SPATA31A6: variants seen among roughly 807,000 people sequenced by gnomAD.
SPATA31A6 encodes SPATA31 subfamily A member 6, also known as spermatogenesis-associated protein 31A6.
Under a neutral mutation model 11.9 loss-of-function variants are expected in SPATA31A6, and 9 were observed. That is an observed-to-expected ratio of 0.76 (90% CI 0.46 to 1.32). The LOEUF (loss-of-function observed/expected upper bound fraction) is 1.32. Among genes scored for constraint, SPATA31A6 ranks in the 40% most tolerant of loss-of-function variants. The pLI is 0.00. For missense variants in SPATA31A6, 855 were observed against 1,467.3 expected (o/e 0.58, Z 6.82); for synonymous variants, 314 against 572.1 (o/e 0.55, Z 6.44).
In SPATA31A6 at chr9:42,189,561, T is replaced by A; in HGVS notation, c.3859T>A (p.Leu1287Met). The A allele has an allele frequency of 6.5e-7, 1 of 1,549,174 alleles. No individual in the cohort carries two copies. Among genetic ancestry groups the A allele is most frequent in the Non-Finnish European group, 8.7e-7 (1 of 1,147,386 alleles). The change falls in exon 4 of 4, where the codon TTG becomes ATG. Residue 1287 changes from leucine to methionine, a missense_variant. Leu to Met is a conservative substitution (Grantham distance 15). Coordinates refer to ENST00000332857, the MANE Select transcript of SPATA31A6 (RefSeq NM_001145196.1). ...RDRQIRNQQP[L>M]KSVRCNNEQW... ...CAGGCAAATCAGAAATCAACAGCCC[T>A]TGAAAAGTGTGCGGTGCAACAATGA...
chr9:42,184,965 A>G (rs3012213), intron 1 of SPATA31A6, 104 bp from the exon 2 acceptor site: 1,253,704 of 1,351,192 alleles, frequency 0.93, 598,991 homozygotes, highest in Admixed American at 0.95. Flanking sequence ...GCTGGGCTGG[A>G]GCAGAGAGGG....
chr9:42,189,466 G>T lies in SPATA31A6; in HGVS notation c.3764G>T (p.Gly1255Val). ...NHRHLFYSEH[G>V]RILSYAASSQ... ...AGGCACCTCTTCTACTCAGAACATG[G>T]CAGAATACTGAGCTATGCAGCCAGC... Residue 1255 changes from glycine (G) to valine (V), a missense_variant, in exon 4 of 4, where the codon GGC becomes GTC. Transcript: ENST00000332857. 3 of 1,550,998 alleles carry T rather than the reference G, an allele frequency of 1.9e-6. 1 individual carries two copies. The highest frequency in any genetic ancestry group is 2.3e-5 in the South Asian group (2 of 87,956).
rs1222662952 is a variant in SPATA31A6, at chr9:42,186,120, GA to G, written c.419del (p.Glu140GlyfsTer13). 1 of 1,099,344 alleles carries G rather than the reference GA, an allele frequency of 9.1e-7. No homozygotes were observed. The highest frequency in any genetic ancestry group is 2.7e-5 in the Admixed American group (1 of 36,798). The allele number at this position is 1,099,344 out of a possible 1,614,324, so 68.1% of individuals were successfully genotyped here. A position where few individuals can be genotyped will look rare whatever the true frequency, so the allele number is the denominator to read the frequency against. On this transcript the variant is annotated frameshift_variant, in exon 4 of 4. Coordinates refer to ENST00000332857, the MANE Select transcript of SPATA31A6 (RefSeq NM_001145196.1). LOFTEE classifies it low-confidence loss of function (END_TRUNC). ...TGATGGAGCCTCCCAGTCCTCTCAT[GA>G]GCCTATGGAAGATGCTGCTCCCATT... Reference protein sequence around the residue: ...APDGASQSSHEPMEDAAPILS... With the variant: ...APDGASQSSHXPMEDAAPILS...
chr9:42,185,740 T>C lies in SPATA31A6; in HGVS notation c.293T>C (p.Leu98Pro), dbSNP rs1418743673. 1 of 1,223,554 alleles carries C rather than the reference T, an allele frequency of 8.2e-7. No individual in the cohort carries two copies. Among genetic ancestry groups the C allele is most frequent in the Non-Finnish European group, 1.1e-6 (1 of 890,328 alleles). The allele number at this position is 1,223,554 out of a possible 1,614,324, so 75.8% of individuals were successfully genotyped here. ...GGCCTGGAGGAGACTTCGGACCTTC[T>C]TTCACAACTGCAGAGGTGAGGCACT... Reference protein sequence around the residue: ...PRGLEETSDLLSQLQSLLGPH... With the variant: ...PRGLEETSDLPSQLQSLLGPH... Residue 98 changes from leucine (L) to proline (P), a missense_variant, in exon 3 of 4, where the codon CTT (leucine) becomes CCT (proline). Transcript: ENST00000332857.
At position 42,185,857 on chromosome 9, in the gene SPATA31A6, G is replaced by T. The variant is rs189637784; in HGVS notation, c.308+102G>T. 1,865 of 1,296,750 alleles carry T rather than the reference G, an allele frequency of 1.4e-3. 294 individuals carry two copies. Among genetic ancestry groups the T allele is most frequent in the Non-Finnish European group, 1.8e-3 (1,739 of 951,546 alleles). The allele number at this position is 1,296,750 out of a possible 1,614,324, so 80.3% of individuals were successfully genotyped here. Reference sequence around the variant, plus strand: ...TGACCTGGGATGGGGAGACCAGGGGGACAGAGGATGGGAGTAAAACCCTGG... The same window carrying T: ...TGACCTGGGATGGGGAGACCAGGGGTACAGAGGATGGGAGTAAAACCCTGG... On this transcript the variant is annotated intron_variant, in intron 3 of 3. Coordinates refer to ENST00000332857, the MANE Select transcript of SPATA31A6 (RefSeq NM_001145196.1).
rs2808959 is a variant in SPATA31A6 at position 42,183,747 on chromosome 9, C to T, written c.60C>T (p.Ser20=). Residue 20 remains serine, a synonymous_variant, in exon 1 of 4, where the codon AGC becomes AGT. Transcript: ENST00000332857. ...LLSASSLNAP[S]STPWVLDIFL... ...GTGCCTCATCGCTAAACGCCCCCAG[C>T]TCCACACCATGGGTGTTGGATATCT... The T allele has an allele frequency of 1.0e-3, 1,577 of 1,533,108 alleles. 285 individuals are homozygous for T. Among genetic ancestry groups the T allele is most frequent in the African/African-American group, 3.1e-3 (191 of 61,486 alleles). The allele number at this position is 1,533,108 out of a possible 1,614,324, so 95.0% of individuals were successfully genotyped here. A position where few individuals can be genotyped will look rare whatever the true frequency, so the allele number is the denominator to read the frequency against.
rs775146470 is a variant in SPATA31A6, at chr9:42,183,798, G to A, written c.111G>A (p.Gly37=). The change falls in exon 1 of 4, where the codon GGG becomes GGA. Residue 37 remains glycine, a synonymous_variant. Transcript: ENST00000332857. Reference sequence around the variant, plus strand: ...TCCTCACCTTGGTGTTTGCCCTGGGGTTCTTCTTCCTATTACTCCCCTACT... The same window carrying A: ...TCCTCACCTTGGTGTTTGCCCTGGGATTCTTCTTCCTATTACTCCCCTACT... ...DIFLTLVFAL[G]FFFLLLPYLS... 2.0e-6 allele frequency: 3 copies of A among 1,535,064 alleles called. No homozygotes were observed. Among genetic ancestry groups the A allele is most frequent in the East Asian group, 2.4e-5 (1 of 41,718 alleles).
In SPATA31A6 at chr9:42,189,638, C is replaced by T. The variant is rs1485696627; in HGVS notation, c.3936C>T (p.Ser1312=). 5.8e-6 allele frequency: 9 copies of T among 1,556,454 alleles called. 2 individuals carry two copies. The highest frequency in any genetic ancestry group is 5.7e-5 in the South Asian group (5 of 87,716). Reference sequence around the variant, plus strand: ...TCTTGCACCCCAAGAAAGCTGTATCCCCAGTCAGTCCCCCTCAGCACTGGC... The same window carrying T: ...TCTTGCACCCCAAGAAAGCTGTATCTCCAGTCAGTCCCCCTCAGCACTGGC... The part of the protein sequence containing the change: ...PQILHPKKAV[S]PVSPPQHWPK... The change falls in exon 4 of 4, where the codon TCC becomes TCT. Residue 1312 remains serine (S), a synonymous_variant. Transcript: ENST00000332857.
At chr9:42,184,439 C>CTGTGTGTGTGTGTGTGTGTG (rs71364261) in intron 1 of SPATA31A6, among the ~76,000 whole-genome samples, 18 of 102,054 alleles carry the variant, frequency 1.8e-4, no homozygotes, top group African/African-American at 7.0e-4. Context: ...GAAAATCCCT[C>CTGTGTGTGTGTGTGTGTGTG]TGTGTGTGTG....
rs761412576 is a variant in SPATA31A6, at chr9:42,189,313, G to C, written c.3611G>C (p.Gly1204Ala). 4 of 1,552,122 alleles carry C rather than the reference G, an allele frequency of 2.6e-6. No individual in the cohort carries two copies. The East Asian group carries it at 9.5e-5, about 37-fold the overall frequency. The change falls in exon 4 of 4, where the codon GGT becomes GCT. Residue 1204 changes from glycine (G) to alanine (A), a missense_variant. By Grantham distance (60) the Gly-to-Ala change is moderately conservative (BLOSUM62 0). Transcript: ENST00000332857. Reference protein sequence around the residue: ...CVYSSSAEAQGLMTAVGQMLD... With the variant: ...CVYSSSAEAQALMTAVGQMLD... ...TACAGCAGCAGTGCTGAAGCTCAGG[G>C]TCTCATGACGGCAGTTGGACAAATG...
chr9:42,183,817 C>T lies in SPATA31A6; in HGVS notation c.130C>T (p.Pro44Ser). ...CCTGGGGTTCTTCTTCCTATTACTCCCCTACTTATCTTACTTCCATTGTGA... is the reference window on the plus strand; with the variant it reads ...CCTGGGGTTCTTCTTCCTATTACTCTCCTACTTATCTTACTTCCATTGTGA... ...FALGFFFLLLPYLSYFHCDDP... is the reference protein window; with the variant it reads ...FALGFFFLLLSYLSYFHCDDP... Residue 44 changes from proline (P) to serine (S), a missense_variant, in exon 1 of 4, where the codon CCC (proline) becomes TCC (serine). Transcript: ENST00000332857. The T allele has an allele frequency of 2.0e-6, 3 of 1,534,110 alleles. No individual in the cohort carries two copies. Among genetic ancestry groups the T allele is most frequent in the Non-Finnish European group, 2.6e-6 (3 of 1,138,026 alleles).
At chr9:42,185,970 A>T (rs1358080299) in intron 3 of SPATA31A6, 41 bp from the exon 4 acceptor site, 1 of 1,443,230 alleles carries the variant, frequency 6.9e-7, no homozygotes. Flanking sequence ...CTCCGGCCCC[A>T]CCGGCTCCTG....
intron 1 of SPATA31A6, among the ~76,000 whole-genome samples, chr9:42,184,296 G>C (rs1587325072): frequency 7.7e-6 from 1 of 130,072 alleles, no homozygotes; most frequent in East Asian, 2.5e-4. Context: ...CTCCCACCAG[G>C]GCCTGGTGTC....
At position 42,187,350 on chromosome 9, in the gene SPATA31A6, G is replaced by A. The variant is rs371762290; in HGVS notation, c.1648G>A (p.Gly550Ser). 13 of 1,537,500 alleles carry A rather than the reference G, an allele frequency of 8.5e-6. 1 individual carries two copies. Among genetic ancestry groups the A allele is most frequent in the Admixed American group, 7.1e-5 (4 of 56,674 alleles). Residue 550 changes from glycine to serine, a missense_variant, in exon 4 of 4, where the codon GGT (glycine) becomes AGT (serine). Coordinates refer to ENST00000332857, the MANE Select transcript of SPATA31A6 (RefSeq NM_001145196.1). ...EWPLLRKQLE[G>S]RLALPSRVQK... Reference sequence around the variant, plus strand: ...GCCTTTGTTGAGGAAACAACTAGAAGGTAGGTTGGCTTTACCCTCTAGGGT... The same window carrying A: ...GCCTTTGTTGAGGAAACAACTAGAAAGTAGGTTGGCTTTACCCTCTAGGGT...
rs1243618640 is a variant in SPATA31A6, at chr9:42,185,272, G to A, written c.247+146G>A. On this transcript the variant is annotated intron_variant, in intron 2 of 3. Coordinates refer to ENST00000332857, the MANE Select transcript of SPATA31A6 (RefSeq NM_001145196.1). ...CCCGGGTCCTTCTCAGATTCCATGC[G>A]GGAATGAAGCCATGGTGGGCCAGGG... is the stretch of plus-strand genomic sequence containing the variant. 9.8e-6 allele frequency: 11 copies of A among 1,118,036 alleles called. 1 individual carries two copies. Among genetic ancestry groups the A allele is most frequent in the Admixed American group, 6.6e-5 (3 of 45,148 alleles). The allele number at this position is 1,118,036 out of a possible 1,614,324, so 69.3% of individuals were successfully genotyped here.
At position 42,186,975 on chromosome 9, in the gene SPATA31A6, G is replaced by A. The variant is rs1255412487; in HGVS notation, c.1273G>A (p.Glu425Lys). The A allele has an allele frequency of 1.1e-5, 17 of 1,544,968 alleles. 1 individual carries two copies. Among genetic ancestry groups the A allele is most frequent in the East Asian group, 7.1e-5 (3 of 42,032 alleles). ...CTGGGGCCTCCCCTCTCTGCACAGC[G>A]AGTCCCTGGTGGCTAACGCCTGGGT... is the stretch of plus-strand genomic sequence containing the variant. ...LFWGLPSLHS[E>K]SLVANAWVTD... Residue 425 changes from glutamate (E) to lysine (K), a missense_variant, in exon 4 of 4, where the codon GAG (glutamate) becomes AAG (lysine). Coordinates refer to ENST00000332857, the MANE Select transcript of SPATA31A6 (RefSeq NM_001145196.1).
intron 1 of SPATA31A6, among the ~76,000 whole-genome samples, chr9:42,184,163 G>A (rs1226300083): frequency 7.3e-6 from 1 of 137,736 alleles, no homozygotes; most frequent in Non-Finnish European, 1.6e-5. Flanking sequence ...TGAGACTGGG[G>A]AGGTCTCTGT....
chr9:42,186,890 G>T lies in SPATA31A6; in HGVS notation c.1188G>T (p.Gln396His). 6.5e-7 allele frequency: 1 copy of T among 1,538,118 alleles called. No individual in the cohort carries two copies. Among genetic ancestry groups the T allele is most frequent in the South Asian group, 1.1e-5 (1 of 87,488 alleles). ...GENSKQLPGP[Q>H]KCSDPRLLQE... ...ACTCGAAACAGCTGCCCGGACCTCA[G>T]AAGTGCTCAGATCCTAGGCTCTTGC... The change falls in exon 4 of 4, where the codon CAG becomes CAT. Residue 396 changes from glutamine (Q) to histidine (H), a missense_variant. Transcript: ENST00000332857.
chr9:42,189,325 C>T lies in SPATA31A6; in HGVS notation c.3623C>T (p.Ala1208Val). ...GCTGAAGCTCAGGGTCTCATGACGG[C>T]AGTTGGACAAATGCTGGACAAGAAA... Reference protein sequence around the residue: ...SSAEAQGLMTAVGQMLDKKMS... With the variant: ...SSAEAQGLMTVVGQMLDKKMS... The change falls in exon 4 of 4, where the codon GCA becomes GTA. Residue 1208 changes from alanine (A) to valine (V), a missense_variant. Transcript: ENST00000332857. 3.9e-6 allele frequency: 6 copies of T among 1,545,340 alleles called. No homozygotes were observed. Among genetic ancestry groups the T allele is most frequent in the Non-Finnish European group, 4.4e-6 (5 of 1,138,066 alleles).
Sources: gnomAD v4.1 joint callset for allele counts (sites outside exome capture counted in the v4.1 genomes callset) on GRCh38, gnomAD v4.1.1 for gene constraint, MANE v1.5 for transcripts, NCBI Gene and HGNC (gene_info 2026-07-23, HGNC 2026-07-21) for gene names.